SCNN1A: variants seen among roughly 807,000 people sequenced by gnomAD.
SCNN1A encodes epithelial sodium channel subunit alpha.
In SCNN1A, 65 loss-of-function variants were observed where a neutral mutation model predicts 68.6. The observed-to-expected ratio is 0.95, with a 90% CI of 0.78 to 1.16. SCNN1A has a LOEUF of 1.16. SCNN1A is among the 50% of genes most tolerant of loss of function. SCNN1A has a pLI of 0.00. For synonymous variants in SCNN1A, 357 were observed against 353.3 expected, an observed-to-expected ratio of 1.01 and a Z score of -0.12; for missense variants, 880 against 865.9, an observed-to-expected ratio of 1.02 and a Z score of -0.20.
chr12:6,363,643 A>G lies in SCNN1A; in HGVS notation c.484T>C (p.Tyr162His), dbSNP rs201532601. The change falls in exon 3 of 13, where the codon TAC becomes CAC. Residue 162 changes from tyrosine (Y) to histidine (H), a missense_variant. This residue lies in a region of SCNN1A where 758 missense variants were observed against 721.8 expected (regional missense o/e 1.05). Transcript: ENST00000228916. ...RITEQTLFDL[Y>H]KYSSFTTLVA... is the part of the protein sequence containing the mutation. The stretch of plus-strand genomic sequence containing the variant: ...AGAGTGGTGAAGGAGCTGTATTTGT[A>G]CAGGTCAAAGAGCGTCTGCTCTGTG... The G allele has an allele frequency of 8.7e-6, 14 of 1,613,032 alleles. No homozygotes were observed. In the East Asian group the frequency reaches 2.2e-4, roughly 26 times the overall value.
chr12:6,362,008 G>A, intron 4 of SCNN1A, 43 bp downstream of exon 4: 1 of 1,603,768 alleles, frequency 6.2e-7, no homozygotes, highest in Non-Finnish European at 8.5e-7. Flanking sequence ...ACCCAGGGAA[G>A]CGGACCCCGC....
intron 4 of SCNN1A, 23 bp from the exon 5 acceptor site, chr12:6,355,903 G>T: frequency 1.4e-6 from 2 of 1,441,962 alleles, no homozygotes; most frequent in Non-Finnish European, 2.0e-6. Flanking sequence ...GAGAGAGTAG[G>T]GTCAGAGAGG....
At chr12:6,363,333 T>G in intron 3 of SCNN1A, 110 bp downstream of exon 3, 30 of 832,848 alleles carry the variant, frequency 3.6e-5, no homozygotes, top group Non-Finnish European at 5.0e-5. Context: ...AGGCCCCGCG[T>G]GGTGTCACTG....
At chr12:6,369,085 A>T (rs1304865124) in intron 2 of SCNN1A, among the ~76,000 whole-genome samples, 1 of 152,004 alleles carries the variant, frequency 6.6e-6, no homozygotes, top group Non-Finnish European at 1.5e-5. Flanking sequence ...TTTCCACCAC[A>T]TCCTGGCTGG....
At chr12:6,359,691 T>C (rs1015890750) in intron 4 of SCNN1A, among the ~76,000 whole-genome samples, 5 of 151,744 alleles carry the variant, frequency 3.3e-5, no homozygotes, top group African/African-American at 4.8e-5. Flanking sequence ...GCTGGTGCCA[T>C]GCTTGTACAA....
intron 2 of SCNN1A, among the ~76,000 whole-genome samples, chr12:6,366,957 T>C (rs2886081): frequency 0.7 from 105,952 of 152,092 alleles, 37,235 homozygotes; most frequent in East Asian, 0.91. Flanking sequence ...AATGGTAATC[T>C]GCGGGGCATG....
intron 3 of SCNN1A, among the ~76,000 whole-genome samples, chr12:6,362,821 A>G (rs930543033): frequency 2.0e-5 from 3 of 147,842 alleles, no homozygotes; most frequent in African/African-American, 7.5e-5. Context: ...CTGGAACTAC[A>G]GGCTTGTGCC....
At chr12:6,369,220 G>A (rs1001330976) in intron 2 of SCNN1A, among the ~76,000 whole-genome samples, 3 of 150,742 alleles carry the variant, frequency 2.0e-5, no homozygotes, top group South Asian at 2.1e-4. Context: ...CCCCTGGGGA[G>A]CCCCCATGCC....
rs1001253121 is a variant in SCNN1A at position 6,356,045 on chromosome 12, A to C, written c.876-165T>G. Reference sequence around the variant, plus strand: ...CCTACTATGTGCTGGCACAATGCTGAGAGCTTTACTCACACTCCCTCAGTC... The same window carrying C: ...CCTACTATGTGCTGGCACAATGCTGCGAGCTTTACTCACACTCCCTCAGTC... On this transcript the variant is annotated intron_variant, in intron 4 of 12. Transcript: ENST00000228916. 3.1e-5 allele frequency: 21 copies of C among 687,026 alleles called. No individual in the cohort carries two copies. In the African/African-American group the frequency reaches 3.2e-4, roughly 10 times the overall value. 42.6% of individuals were successfully genotyped at this position (687,026 alleles called of 1,614,324 possible).
At chr12:6,350,223 G>C (rs896735680) in intron 8 of SCNN1A, among the ~76,000 whole-genome samples, 1 of 147,000 alleles carries the variant, frequency 6.8e-6, no homozygotes, top group Non-Finnish European at 1.5e-5. Context: ...ACGAGGTCAA[G>C]AGATCGAGAC....
rs193920773 is a variant in SCNN1A, at chr12:6,355,286, T to C, written c.1129A>G (p.Ile377Val). 3.7e-6 allele frequency: 6 copies of C among 1,613,230 alleles called. No individual in the cohort carries two copies. In the Admixed American group the frequency reaches 6.7e-5, roughly 18 times the overall value. Residue 377 changes from isoleucine (I) to valine (V), a missense_variant, in exon 6 of 13, where the codon ATC (isoleucine) becomes GTC (valine). Physicochemically the swap from Ile to Val is conservative, Grantham distance 29. Transcript: ENST00000228916. ...AGCATCCTTGCCTTCCTCATGCTGA[T>C]GGAGGTCTCCACGCCAGGCCGCAAG... ...FNLRPGVETSISMRKETLDRL... is the reference protein window; with the variant it reads ...FNLRPGVETSVSMRKETLDRL...
chr12:6,375,837 C>G, upstream of SCNN1A: 1 of 1,342,552 alleles, frequency 7.4e-7, no homozygotes, highest in Non-Finnish European at 9.5e-7. Context: ...GAGAAGGGGC[C>G]AGCCAGGCTG....
chr12:6,362,331 TCTGAGGA>T (rs1330325197), intron 3 of SCNN1A, 90 bp from the exon 4 acceptor site: 1 of 1,163,030 alleles, frequency 8.6e-7, no homozygotes, highest in Admixed American at 1.7e-5. Context: ...GATCTGGGGT[TCTGAGGA>T]CTGACGGACA....
At chr12:6,375,324 G>C (rs374705354) in intron 1 of SCNN1A, 181 bp downstream of exon 1, 5 of 1,438,526 alleles carry the variant, frequency 3.5e-6, no homozygotes, top group East Asian at 2.5e-5. Flanking sequence ...TCTCACTCTA[G>C]GCCCTCAGCT....
intron 8 of SCNN1A, among the ~76,000 whole-genome samples, chr12:6,354,124 A>G (rs1477233589): frequency 6.6e-6 from 1 of 151,870 alleles, no homozygotes; most frequent in Non-Finnish European, 1.5e-5. Context: ...CCAGCTATTC[A>G]GGAGGCTGAG....
In SCNN1A at chr12:6,355,470, G is replaced by A. The variant is rs72657580; in HGVS notation, c.980-35C>T. 3.2e-3 allele frequency: 5,191 copies of A among 1,609,010 alleles called. 13 individuals carry two copies. The highest frequency in any genetic ancestry group is 6.0e-3 in the East Asian group (268 of 44,782). ...CAGAGAGAGCAGAGTTGGCAGAGGC[G>A]GGAATCCTAGAAAAGAGTTAGGAGA... On this transcript the variant is annotated intron_variant, in intron 5 of 12. Coordinates refer to ENST00000228916, the MANE Select transcript of SCNN1A (RefSeq NM_001038.6).
rs546443827 is a variant in SCNN1A, at chr12:6,365,837, G to A, written c.417-2127C>T. ...CTAACAAATAATCCCTAGAACAACC[G>A]TATGTAGTAGGCACTTTATGAACAG... On this transcript the variant is annotated intron_variant, in intron 2 of 12. Transcript: ENST00000228916. 4.5e-4 allele frequency among the ~76,000 whole-genome samples: 68 copies of A among 152,192 alleles called. 1 individual carries two copies. Among genetic ancestry groups the A allele is most frequent in the African/African-American group, 1.5e-3 (62 of 41,530 alleles).
At chr12:6,365,545 C>A (rs1397091152) in intron 2 of SCNN1A, among the ~76,000 whole-genome samples, 1 of 152,214 alleles carries the variant, frequency 6.6e-6, no homozygotes, top group Non-Finnish European at 1.5e-5. Flanking sequence ...GAAATAAACT[C>A]ATGCATAGAT....
chr12:6,375,033 G>T, intron 1 of SCNN1A, 196 bp from the exon 2 acceptor site: 1 of 1,540,454 alleles, frequency 6.5e-7, no homozygotes. Context: ...CAGACCTGCG[G>T]GAGTTGGGGC....
Sources: gnomAD v4.1 joint callset for allele counts (sites outside exome capture counted in the v4.1 genomes callset) on GRCh38, gnomAD v4.1.1 for gene constraint, gnomAD v4.1.1 regional missense constraint, MANE v1.5 for transcripts, NCBI Gene and HGNC (gene_info 2026-07-23, HGNC 2026-07-21) for gene names.